ADK: variants seen among roughly 807,000 people sequenced by gnomAD.
ADK encodes the protein N6,N6-dimethyladenosine kinase.
A neutral mutation model predicts 44.7 loss-of-function variants in ADK; 24 were observed. The ratio of observed to expected loss-of-function variants is 0.54; its 90% confidence interval spans 0.39 to 0.76. The LOEUF is 0.76. ADK is among the 30% of genes least tolerant of loss of function. ADK has a pLI of 0.00. For synonymous variants in ADK, 128 were observed against 142.6 expected, an observed-to-expected ratio of 0.90 and a Z score of 0.73; for missense variants, 321 against 425.1, an observed-to-expected ratio of 0.76 and a Z score of 2.15.
At chr10:74,155,854 G>A (rs1193527059) in intron 1 of ADK, among the ~76,000 whole-genome samples, 2 of 152,132 alleles carry the variant, frequency 1.3e-5, no homozygotes, top group East Asian at 3.9e-4. Flanking sequence ...TAATAATGCA[G>A]CCTAAAATTG....
intron 3 of ADK, among the ~76,000 whole-genome samples, chr10:74,258,048 T>C (rs538775526): frequency 6.6e-6 from 1 of 152,352 alleles, no homozygotes; most frequent in South Asian, 2.1e-4. Context: ...CCTCACTTGC[T>C]TCCTTCTTAA....
chr10:74,153,822 T>C (rs1160504942), intron 1 of ADK, among the ~76,000 whole-genome samples: 1 of 152,248 alleles, frequency 6.6e-6, no homozygotes, highest in African/African-American at 2.4e-5. Context: ...AGTTCATTTC[T>C]TTAGCGATCG....
At chr10:74,476,798 T>G (rs1027832551) in intron 6 of ADK, among the ~76,000 whole-genome samples, 2 of 152,228 alleles carry the variant, frequency 1.3e-5, no homozygotes, top group Non-Finnish European at 2.9e-5. Context: ...CGGTAGTTGG[T>G]CCCTTCCACC....
chr10:74,229,686 C>T (rs535671156), intron 3 of ADK, among the ~76,000 whole-genome samples: 40 of 152,210 alleles, frequency 2.6e-4, no homozygotes, highest in Admixed American at 1.8e-3. Context: ...CGTGAGCCAC[C>T]GCGCCCGGTC....
chr10:74,633,153 T>C (rs1160038392), intron 9 of ADK, among the ~76,000 whole-genome samples: 1 of 152,224 alleles, frequency 6.6e-6, no homozygotes, highest in Non-Finnish European at 1.5e-5. Flanking sequence ...CAAGGTATTA[T>C]ATTCACACAG....
chr10:74,510,226 A>AT (rs1039677243), intron 6 of ADK, among the ~76,000 whole-genome samples: 18 of 150,598 alleles, frequency 1.2e-4, no homozygotes, highest in Middle Eastern at 3.2e-3. Flanking sequence ...CCTCACCAAC[A>AT]TTTTTTTTTC....
At chr10:74,482,798 T>C (rs371102282) in intron 6 of ADK, among the ~76,000 whole-genome samples, 1 of 152,138 alleles carries the variant, frequency 6.6e-6, no homozygotes, top group African/African-American at 2.4e-5. Flanking sequence ...TCCAGAATAA[T>C]CTTTGACTCT....
At chr10:74,555,760 C>G (rs1271938300) in intron 7 of ADK, among the ~76,000 whole-genome samples, 2 of 152,160 alleles carry the variant, frequency 1.3e-5, no homozygotes, top group East Asian at 3.8e-4. Flanking sequence ...TCCTGTTTCT[C>G]AGTTGCTCTG....
At chr10:74,215,595 G>T (rs1416957363) in intron 2 of ADK, among the ~76,000 whole-genome samples, 1 of 151,742 alleles carries the variant, frequency 6.6e-6, no homozygotes, top group Non-Finnish European at 1.5e-5. Flanking sequence ...AAAGTGCTGG[G>T]ATTATAAGCA....
At chr10:74,560,095 A>C (rs1352474819) in intron 7 of ADK, among the ~76,000 whole-genome samples, 7 of 152,050 alleles carry the variant, frequency 4.6e-5, no homozygotes, top group African/African-American at 1.4e-4. Flanking sequence ...TTTTTTAAAA[A>C]ATTTTTTTGT....
intron 4 of ADK, among the ~76,000 whole-genome samples, chr10:74,368,478 A>G (rs573098123): frequency 3.6e-4 from 54 of 151,948 alleles, no homozygotes; most frequent in Non-Finnish European, 6.9e-4. Context: ...GTAAACATTT[A>G]CTACGTAGAG....
chr10:74,288,040 C>T (rs929534265), intron 3 of ADK, among the ~76,000 whole-genome samples: 5 of 151,088 alleles, frequency 3.3e-5, no homozygotes, highest in African/African-American at 1.2e-4. Context: ...TACTTAGAAC[C>T]TTTCAAATGC....
At chr10:74,192,927 T>G (rs573833054) in intron 1 of ADK, among the ~76,000 whole-genome samples, 19 of 152,366 alleles carry the variant, frequency 1.2e-4, no homozygotes, top group Non-Finnish European at 2.2e-4. Context: ...GTGTGATTCT[T>G]TAATTTTTGG....
intron 4 of ADK, among the ~76,000 whole-genome samples, chr10:74,369,453 A>G (rs1053226000): frequency 3.5e-4 from 53 of 152,218 alleles, no homozygotes; most frequent in Non-Finnish European, 5.3e-4. Flanking sequence ...ATTAAATCTA[A>G]AGGAAGTTGG....
chr10:74,527,374 A>C (rs1849090643), intron 7 of ADK, among the ~76,000 whole-genome samples: 1 of 38,824 alleles, frequency 2.6e-5, no homozygotes, highest in South Asian at 1.1e-3. Flanking sequence ...CAAACAAACA[A>C]AAAAAAAAAA....
At chr10:74,400,978 T>C (rs1188274537) in intron 6 of ADK, among the ~76,000 whole-genome samples, 1 of 152,242 alleles carries the variant, frequency 6.6e-6, no homozygotes, top group African/African-American at 2.4e-5. Flanking sequence ...AAATTGAATA[T>C]GGATACACCA....
At chr10:74,231,590 T>G (rs1289261594) in intron 3 of ADK, among the ~76,000 whole-genome samples, 1 of 149,908 alleles carries the variant, frequency 6.7e-6, no homozygotes, top group Middle Eastern at 3.4e-3. Context: ...ATCAGCCTCC[T>G]GAGTATCTGG....
intron 8 of ADK, among the ~76,000 whole-genome samples, chr10:74,592,127 G>A (rs760545092): frequency 8.6e-5 from 13 of 151,988 alleles, no homozygotes; most frequent in Admixed American, 2.6e-4. Context: ...AACTGGAGCT[G>A]GGCAGAACAC....
chr10:74,552,110 A>G (rs2133784004), intron 7 of ADK, among the ~76,000 whole-genome samples: 1 of 152,154 alleles, frequency 6.6e-6, no homozygotes, highest in South Asian at 2.1e-4. Flanking sequence ...AACTGTATAC[A>G]TATTTTGGGA....
Sources: allele counts gnomAD v4.1 joint callset (sites outside exome capture counted in the v4.1 genomes callset), GRCh38; gene constraint gnomAD v4.1.1; transcripts MANE v1.5; gene names NCBI Gene and HGNC (gene_info 2026-07-23, HGNC 2026-07-21).